BICRAL: variants seen among roughly 807,000 people sequenced by gnomAD.
BICRAL encodes the protein BICRA like chromatin remodeling complex associated protein, also known as BRD4-interacting chromatin-remodeling complex-associated protein-like.
Under a neutral mutation model 91.8 loss-of-function variants are expected in BICRAL, and 8 were observed. The observed-to-expected ratio is 0.09, with a 90% CI of 0.05 to 0.16. The LOEUF (loss-of-function observed/expected upper bound fraction) is 0.16. Ranked by LOEUF, BICRAL falls within the 10% of genes least tolerant of loss-of-function variation. The pLI, the probability that BICRAL is intolerant of heterozygous loss-of-function variation, is 1.00. For missense variants in BICRAL, 1,038 were observed against 1,310.9 expected, an observed-to-expected ratio of 0.79 and a Z score of 3.21; for synonymous variants, 445 against 491.1, an observed-to-expected ratio of 0.91 and a Z score of 1.24.
chr6:42,797,154 CAGAACTTATGTATAAGATACATAAGG>C (rs1763437960), intron 1 of BICRAL, among the ~76,000 whole-genome samples: 1 of 148,464 alleles, frequency 6.7e-6, no homozygotes, highest in Non-Finnish European at 1.5e-5. Flanking sequence ...GATACATAAG[CAGAACTTATGTATAAGATACATAAGG>C]AAAAGATACA....
In BICRAL at chr6:42,762,284, A is replaced by G. The variant is rs954082074; in HGVS notation, c.-261+15261A>G. Among the ~76,000 whole-genome samples the G allele has an allele frequency of 6.6e-5, 10 of 152,374 alleles. No individual in the cohort carries two copies. In the East Asian group the frequency reaches 1.5e-3, roughly 23 times the overall value. ...AGGCCCCAAAGAATCCTAGAAAGACAGAGCTGGGCAAACTCTGAGGGTTCC... is the reference window on the plus strand; with the variant it reads ...AGGCCCCAAAGAATCCTAGAAAGACGGAGCTGGGCAAACTCTGAGGGTTCC... On this transcript the variant is annotated intron_variant, in intron 1 of 14. Coordinates refer to the BICRAL transcript ENST00000614467.
At chr6:42,856,140 C>T (rs762043170) in intron 9 of BICRAL, among the ~76,000 whole-genome samples, 11 of 151,678 alleles carry the variant, frequency 7.3e-5, no homozygotes, top group Non-Finnish European at 1.6e-4. Flanking sequence ...CCAGCCTGGG[C>T]AACATGGCTC....
At chr6:42,762,768 G>C (rs1193124757) in intron 1 of BICRAL, among the ~76,000 whole-genome samples, 1 of 151,946 alleles carries the variant, frequency 6.6e-6, no homozygotes, top group East Asian at 1.9e-4. Flanking sequence ...TCTACTAACA[G>C]TAAAATAACT....
At chr6:42,748,489 G>C (rs1762326798) in intron 1 of BICRAL, among the ~76,000 whole-genome samples, 1 of 152,200 alleles carries the variant, frequency 6.6e-6, no homozygotes, top group Admixed American at 6.6e-5. Flanking sequence ...ACCCTTTCAA[G>C]AACTTCATTT....
At position 42,801,147 on chromosome 6, in the gene BICRAL, G is replaced by C. The variant is rs191272272; in HGVS notation, c.-101-9159G>C. ...GGTGCCTGTAATCCCAGCTACTCAG[G>C]AGGCTAAAACAGGGGAATTGCTAGA... On this transcript the variant is annotated intron_variant, in intron 1 of 12. Coordinates refer to ENST00000314073, the MANE Select transcript of BICRAL (RefSeq NM_001393499.1). Among the ~76,000 whole-genome samples, 21 of 151,750 alleles carry C rather than the reference G, an allele frequency of 1.4e-4. No homozygotes were observed. In the East Asian group the frequency reaches 3.7e-3, roughly 27 times the overall value.
chr6:42,832,648 A>G (rs1446573398), intron 6 of BICRAL, among the ~76,000 whole-genome samples: 1 of 151,090 alleles, frequency 6.6e-6, no homozygotes, highest in Non-Finnish European at 1.5e-5. Context: ...TAAAGTTACA[A>G]GATTACTACA....
At position 42,830,217 on chromosome 6, in the gene BICRAL, A is replaced by G. The variant is rs372222168; in HGVS notation, c.1839+45A>G. ...AAATATTTGGCTGATTATAGAATGG[A>G]AAAATGAGATGTGTATTTACTAGAA... On this transcript the variant is annotated intron_variant, in intron 6 of 12. Transcript: ENST00000314073. 9.2e-5 allele frequency: 145 copies of G among 1,579,058 alleles called. No homozygotes were observed. The African/African-American group carries it at 1.9e-3, about 21-fold the overall frequency.
intron 1 of BICRAL, among the ~76,000 whole-genome samples, chr6:42,782,654 A>C: frequency 1.2e-5 from 1 of 83,258 alleles, no homozygotes; most frequent in Non-Finnish European, 2.4e-5. Context: ...TGGGGAGGGG[A>C]GGGGAGGGAA....
intron 1 of BICRAL, among the ~76,000 whole-genome samples, chr6:42,805,563 C>G (rs1763681541): frequency 6.6e-6 from 1 of 152,124 alleles, no homozygotes; most frequent in Non-Finnish European, 1.5e-5. Flanking sequence ...AGAAAGGGTG[C>G]TAAGTTCATT....
intron 12 of BICRAL, among the ~76,000 whole-genome samples, chr6:42,862,858 C>A (rs1765596307): frequency 6.6e-6 from 1 of 152,190 alleles, no homozygotes; most frequent in Non-Finnish European, 1.5e-5. Context: ...CCCTAGAACT[C>A]ACATTTTAGA....
At chr6:42,786,045 A>G (rs1163322968) in intron 1 of BICRAL, among the ~76,000 whole-genome samples, 1 of 151,762 alleles carries the variant, frequency 6.6e-6, no homozygotes, top group Admixed American at 6.6e-5. Context: ...CAAAAAACAC[A>G]GGTCAGGAAG....
chr6:42,855,146 A>G (rs1383360932), intron 8 of BICRAL, among the ~76,000 whole-genome samples: 2 of 152,188 alleles, frequency 1.3e-5, no homozygotes, highest in East Asian at 3.8e-4. Flanking sequence ...ACACACCTGG[A>G]CTATATATAA....
chr6:42,862,602 T>G lies in BICRAL; in HGVS notation c.2442T>G (p.Leu814=), dbSNP rs1378443097. Reference sequence around the variant, plus strand: ...TGTCCCGAGACAAGCGTTTGGCACTTGTAGACCCTGGTAAGAAACATCGCA... The same window carrying G: ...TGTCCCGAGACAAGCGTTTGGCACTGGTAGACCCTGGTAAGAAACATCGCA... ...ASLSRDKRLA[L]VDPEGFQADF... is the part of the protein sequence containing the mutation. The change falls in exon 12 of 13, where the codon CTT becomes CTG. Residue 814 remains leucine, a synonymous_variant. Transcript: ENST00000314073. The G allele has an allele frequency of 6.3e-7, 1 of 1,590,822 alleles. No individual in the cohort carries two copies. Among genetic ancestry groups the G allele is most frequent in the Non-Finnish European group, 8.6e-7 (1 of 1,159,036 alleles).
At chr6:42,755,195 G>A (rs915238051) in intron 1 of BICRAL, among the ~76,000 whole-genome samples, 1 of 152,140 alleles carries the variant, frequency 6.6e-6, no homozygotes, top group African/African-American at 2.4e-5. Context: ...GTATGGTGTG[G>A]ATGTTGAGCA....
rs1278804594 is a variant in BICRAL, at chr6:42,825,236, G to A, written c.159+2233G>A. On this transcript the variant is annotated intron_variant, in intron 5 of 12. Transcript: ENST00000314073. ...GATCACGCCACTGCACTCCAGCCTG[G>A]GCGACAGTGCAAGACTCTGTCTCAA... 9.5e-5 allele frequency among the ~76,000 whole-genome samples: 14 copies of A among 146,622 alleles called. No individual in the cohort carries two copies. The East Asian group carries it at 2.8e-3, about 29-fold the overall frequency.
chr6:42,750,053 C>CG (rs1246153872), intron 1 of BICRAL, among the ~76,000 whole-genome samples: 3 of 151,868 alleles, frequency 2.0e-5, no homozygotes, highest in Non-Finnish European at 4.4e-5. Flanking sequence ...TTAGTAGAGG[C>CG]GGGGTTTCAC....
At chr6:42,782,137 T>C (rs1202452421) in intron 1 of BICRAL, 36 bp downstream of exon 1, 1 of 149,296 alleles carries the variant, frequency 6.7e-6, no homozygotes, top group African/African-American at 2.5e-5. Flanking sequence ...AATTTTGTGA[T>C]AAAAATTTCA....
chr6:42,836,553 G>A (rs557733646), intron 6 of BICRAL, among the ~76,000 whole-genome samples: 80 of 151,534 alleles, frequency 5.3e-4, no homozygotes, highest in African/African-American at 1.8e-3. Flanking sequence ...TAGTATTTAG[G>A]TCAGCTACCA....
intron 6 of BICRAL, among the ~76,000 whole-genome samples, chr6:42,843,964 A>ATTTTTTT (rs564638855): frequency 1.1e-4 from 14 of 132,228 alleles, no homozygotes; most frequent in African/African-American, 3.3e-4. Flanking sequence ...ATGCCGGCTA[A>ATTTTTTT]TTTTTTTTTT....
Sources: gnomAD v4.1 joint callset for allele counts (sites outside exome capture counted in the v4.1 genomes callset) on GRCh38, gnomAD v4.1.1 for gene constraint, MANE v1.5 for transcripts, NCBI Gene and HGNC (gene_info 2026-07-23, HGNC 2026-07-21) for gene names.